MED4: variants seen among roughly 807,000 people sequenced by gnomAD.
The protein encoded by MED4 is mediator of RNA polymerase II transcription subunit 4.
In MED4, 21 loss-of-function variants were observed where a neutral mutation model predicts 35.0. The ratio of observed to expected loss-of-function variants is 0.60; its 90% CI spans 0.43 to 0.86. The LOEUF (loss-of-function observed/expected upper bound fraction) is 0.86. MED4 is among the 40% of genes least tolerant of loss of function. MED4 has a pLI of 0.00. For missense variants in MED4, 300 were observed against 319.4 expected (o/e 0.94, Z 0.46); for synonymous variants, 138 against 114.0 (o/e 1.21, Z -1.34).
chr13:48,080,657 T>C (rs912058664), intron 5 of MED4, among the ~76,000 whole-genome samples: 2 of 152,004 alleles, frequency 1.3e-5, no homozygotes, highest in African/African-American at 4.8e-5. Context: ...ACAATGATTA[T>C]GCTGCAAGGG....
intron 2 of MED4, among the ~76,000 whole-genome samples, chr13:48,088,079 CT>C (rs1055513616): frequency 2.0e-5 from 3 of 152,102 alleles, no homozygotes; most frequent in Non-Finnish European, 4.4e-5. Context: ...TTACATGAAG[CT>C]ATTGTGAGGA....
chr13:48,081,264 T>G (rs1170119458), intron 5 of MED4, among the ~76,000 whole-genome samples: 3 of 152,214 alleles, frequency 2.0e-5, no homozygotes, highest in Non-Finnish European at 4.4e-5. Context: ...CTAAGAGAAC[T>G]GGAATTGTCT....
At chr13:48,090,460 C>G (rs754196867) in intron 1 of MED4, 42 bp from the exon 2 acceptor site, 4 of 1,477,860 alleles carry the variant, frequency 2.7e-6, no homozygotes, top group Non-Finnish European at 3.7e-6. Context: ...CCTTTCACAG[C>G]ATACTGAACA....
chr13:48,082,741 GGC>G lies in MED4; in HGVS notation c.421+628_421+629del, dbSNP rs368419329. Among the ~76,000 whole-genome samples the G allele has an allele frequency of 7.9e-3, 1,199 of 152,236 alleles. 15 individuals are homozygous for G. Among genetic ancestry groups the G allele is most frequent in the African/African-American group, 0.028 (1,144 of 41,532 alleles). Reference sequence around the variant, plus strand: ...ACTCGGGAGGCTGAGGCAGGAGAGTGGCGTGAACCCGGGAGGCGGAGCTTGCA... The same window carrying G: ...ACTCGGGAGGCTGAGGCAGGAGAGTGGTGAACCCGGGAGGCGGAGCTTGCA... On this transcript the variant is annotated intron_variant, in intron 4 of 6. Coordinates refer to ENST00000258648, the MANE Select transcript of MED4 (RefSeq NM_014166.4).
chr13:48,092,655 A>G (rs78560134), intron 1 of MED4, among the ~76,000 whole-genome samples: 8 of 152,208 alleles, frequency 5.3e-5, no homozygotes, highest in South Asian at 2.1e-4. Context: ...CAGATTTCAG[A>G]TATCTTTTGG....
intron 3 of MED4, among the ~76,000 whole-genome samples, chr13:48,083,937 C>T (rs571233003): frequency 6.6e-6 from 1 of 152,246 alleles, no homozygotes; most frequent in East Asian, 1.9e-4. Flanking sequence ...CTAGTATATG[C>T]ATATCTTCGA....
chr13:48,095,088 A>G lies in MED4; in HGVS notation c.-10T>C. 4 of 1,601,812 alleles carry G rather than the reference A, an allele frequency of 2.5e-6. No individual in the cohort carries two copies. Among genetic ancestry groups the G allele is most frequent in the South Asian group, 1.1e-5 (1 of 91,084 alleles). On this transcript the variant is annotated 5_prime_UTR_variant, in exon 1 of 7. Transcript: ENST00000258648. Reference sequence around the variant, plus strand: ...TCGAAGACGCAGCCATTTTCCCCAGAGTCCCGCCACCGGCGCACGCGCAGA... The same window carrying G: ...TCGAAGACGCAGCCATTTTCCCCAGGGTCCCGCCACCGGCGCACGCGCAGA...
At chr13:48,092,077 G>A (rs780851027) in intron 1 of MED4, among the ~76,000 whole-genome samples, 3 of 152,088 alleles carry the variant, frequency 2.0e-5, no homozygotes, top group Non-Finnish European at 1.5e-5. Context: ...GGGCCTTATA[G>A]TTATGGTAAA....
At position 48,076,627 on chromosome 13, in the gene MED4, C is replaced by T. The variant is rs1206000190; in HGVS notation, c.*512G>A. Reference sequence around the variant, plus strand: ...ACAAAAATTACAATTACAAACTGTACAAATTGAGACAATTTCCCATGCCTC... The same window carrying T: ...ACAAAAATTACAATTACAAACTGTATAAATTGAGACAATTTCCCATGCCTC... On this transcript the variant is annotated 3_prime_UTR_variant, in exon 7 of 7. Transcript: ENST00000258648. The T allele has an allele frequency of 2.6e-5, 4 of 152,120 alleles. No individual in the cohort carries two copies. Among genetic ancestry groups the T allele is most frequent in the Non-Finnish European group, 5.9e-5 (4 of 68,042 alleles). The allele number at this position is 152,120 out of a possible 1,614,324, so 9.4% of individuals were successfully genotyped here. A position where few individuals can be genotyped will look rare whatever the true frequency, so the allele number is the denominator to read the frequency against.
chr13:48,077,364 G>A, intron 6 of MED4, 53 bp from the exon 7 acceptor site: 1 of 1,314,790 alleles, frequency 7.6e-7, no homozygotes, highest in Middle Eastern at 2.0e-4. Context: ...AATTAATCTA[G>A]TTCTTACTTT....
intron 2 of MED4, 75 bp downstream of exon 2, chr13:48,090,277 C>T: frequency 2.6e-6 from 3 of 1,162,480 alleles, no homozygotes; most frequent in Admixed American, 2.4e-5. Flanking sequence ...AAAGAGGAAA[C>T]TTGCAGAAAT....
intron 4 of MED4, among the ~76,000 whole-genome samples, chr13:48,083,027 C>T (rs1405466511): frequency 6.6e-6 from 1 of 152,002 alleles, no homozygotes; most frequent in Non-Finnish European, 1.5e-5. Context: ...TCTTTTCACT[C>T]TCTCTGTCCT....
intron 1 of MED4, chr13:48,093,815 G>A (rs1037749488): frequency 1.6e-5 from 3 of 183,246 alleles, no homozygotes; most frequent in South Asian, 1.9e-4. Flanking sequence ...GCAATACGAT[G>A]GCAAGGACTA....
In MED4 at chr13:48,094,944, G is replaced by A; in HGVS notation, c.125+10C>T. ...CAGCTCCAGCCCGGCTCTCAGGCTC[G>A]CCGCATTACCTAGACAGGACCTCCA... On this transcript the variant is annotated intron_variant, in intron 1 of 6. Coordinates refer to ENST00000258648, the MANE Select transcript of MED4 (RefSeq NM_014166.4). 1.9e-6 allele frequency: 3 copies of A among 1,601,340 alleles called. No individual in the cohort carries two copies. The highest frequency in any genetic ancestry group is 1.1e-5 in the South Asian group (1 of 91,052).
intron 5 of MED4, 24 bp downstream of exon 5, chr13:48,081,621 G>C: frequency 3.2e-6 from 5 of 1,547,826 alleles, no homozygotes; most frequent in Non-Finnish European, 1.8e-6. Context: ...CATATATCTA[G>C]TATAATAAGA....
intron 2 of MED4, 79 bp from the exon 3 acceptor site, chr13:48,086,531 G>T: frequency 7.7e-7 from 1 of 1,304,092 alleles, no homozygotes; most frequent in Non-Finnish European, 1.1e-6. Flanking sequence ...ATCCGTAACT[G>T]AATTGGCTAG....
Position 48,086,891 on chromosome 13 carries a change from A to C in MED4, c.193-439T>G, listed in dbSNP as rs959257531. On this transcript the variant is annotated intron_variant, in intron 2 of 6. Coordinates refer to ENST00000258648, the MANE Select transcript of MED4 (RefSeq NM_014166.4). ...ATGGTGAAACCCCATCTCTACTAAAAATACAAAAATTAGTTGGGTGTGGTG... is the reference window on the plus strand; with the variant it reads ...ATGGTGAAACCCCATCTCTACTAAACATACAAAAATTAGTTGGGTGTGGTG... Among the ~76,000 whole-genome samples, 6 of 152,006 alleles carry C rather than the reference A, an allele frequency of 3.9e-5. No individual in the cohort carries two copies. In the South Asian group the frequency reaches 1.2e-3, roughly 32 times the overall value.
chr13:48,075,790 A>G lies in MED4; in HGVS notation c.*1349T>C, dbSNP rs1369182899. ...GGATCAATATTCCTAGTATACGGAC[A>G]AGGCAAGGTTAAAATTAGATATTGT... is the stretch of plus-strand genomic sequence containing the variant. On this transcript the variant is annotated 3_prime_UTR_variant, in exon 7 of 7. Transcript: ENST00000258648. 6.6e-6 allele frequency among the ~76,000 whole-genome samples: 1 copy of G among 152,242 alleles called. No homozygotes were observed. Among genetic ancestry groups the G allele is most frequent in the Non-Finnish European group, 1.5e-5 (1 of 68,038 alleles).
At chr13:48,094,811 C>A in intron 1 of MED4, 143 bp downstream of exon 1, 1 of 1,199,850 alleles carries the variant, frequency 8.3e-7, no homozygotes, top group Non-Finnish European at 1.1e-6. Flanking sequence ...GCGGACCCCA[C>A]GTCCATGACC....
Sources: allele counts gnomAD v4.1 joint callset (sites outside exome capture counted in the v4.1 genomes callset), GRCh38; gene constraint gnomAD v4.1.1; transcripts MANE v1.5; gene names NCBI Gene and HGNC (gene_info 2026-07-23, HGNC 2026-07-21).